Variants in THRB observed in about 807,000 individuals in gnomAD.
THRB encodes nuclear receptor subfamily 1 group A member 2.
Under a neutral mutation model 47.8 loss-of-function variants are expected in THRB, and 12 were observed. The observed-to-expected ratio is 0.25, with a 90% CI of 0.16 to 0.41. The LOEUF (loss-of-function observed/expected upper bound fraction) is 0.41, where lower values mean the gene tolerates loss of function less well. Ranked by LOEUF, THRB falls within the 10% of genes least tolerant of loss-of-function variation. THRB has a pLI of 1.00. For synonymous variants in THRB, 218 were observed against 212.2 expected (o/e 1.03, Z -0.24); for missense variants, 348 against 589.2 (o/e 0.59, Z 4.24).
chr3:24,135,813 A>G (rs1575322952), intron 8 of THRB, among the ~76,000 whole-genome samples: 1 of 101,346 alleles, frequency 9.9e-6, no homozygotes, highest in Non-Finnish European at 2.0e-5. Context: ...TCAAAAAGGC[A>G]GAGAGTCATA....
At chr3:24,162,168 A>G (rs1476423438) in intron 5 of THRB, among the ~76,000 whole-genome samples, 1 of 151,072 alleles carries the variant, frequency 6.6e-6, no homozygotes, top group Admixed American at 6.6e-5. Context: ...CACCCACAAA[A>G]GGATTTTTTT....
intron 1 of THRB, among the ~76,000 whole-genome samples, chr3:24,358,539 C>T (rs2063845005): frequency 6.6e-6 from 1 of 152,142 alleles, no homozygotes; most frequent in African/African-American, 2.4e-5. Context: ...ATCCTTTTCT[C>T]ATTATTCTGA....
At chr3:24,468,853 C>T (rs1186831310) in intron 1 of THRB, among the ~76,000 whole-genome samples, 2 of 152,164 alleles carry the variant, frequency 1.3e-5, no homozygotes, top group African/African-American at 2.4e-5. Flanking sequence ...ATCTGCTTGA[C>T]GCATAGTTGC....
rs1344473396 is a variant in THRB at position 24,336,808 on chromosome 3, G to A, written c.-189+492C>T. ...GTGATCTCTGCTCACTGCAAGCTCC[G>A]CCTCCTGGGTTCACACCATTCTCCT... On this transcript the variant is annotated intron_variant, in intron 2 of 10. Transcript: ENST00000646209. Among the ~76,000 whole-genome samples the A allele has an allele frequency of 5.4e-5, 8 of 148,792 alleles. No homozygotes were observed. In the Middle Eastern group the frequency reaches 0.01, roughly 192 times the overall value.
At chr3:24,273,552 A>G (rs572185468) in intron 3 of THRB, among the ~76,000 whole-genome samples, 2 of 152,364 alleles carry the variant, frequency 1.3e-5, no homozygotes, top group East Asian at 1.9e-4. Context: ...ATAATTCCTT[A>G]GCTTTAATCT....
chr3:24,251,783 G>C (rs1240274833), intron 3 of THRB, among the ~76,000 whole-genome samples: 4 of 151,860 alleles, frequency 2.6e-5, no homozygotes, highest in Admixed American at 2.6e-4. Context: ...TGAAAGCACA[G>C]GGAAAAAATA....
intron 1 of THRB, among the ~76,000 whole-genome samples, chr3:24,340,723 G>A (rs1461360190): frequency 2.6e-5 from 4 of 152,132 alleles, no homozygotes; most frequent in African/African-American, 9.7e-5. Context: ...CATTGTGATT[G>A]TATTTCCAAA....
At chr3:24,442,177 T>G (rs974162353) in intron 1 of THRB, among the ~76,000 whole-genome samples, 1 of 152,218 alleles carries the variant, frequency 6.6e-6, no homozygotes, top group Non-Finnish European at 1.5e-5. Context: ...CACAACTGTG[T>G]CTATACCTTG....
At chr3:24,227,047 C>G (rs189830664) in intron 4 of THRB, among the ~76,000 whole-genome samples, 311 of 152,288 alleles carry the variant, frequency 2.0e-3, no homozygotes, top group African/African-American at 7.1e-3. Flanking sequence ...CCACAGCAAG[C>G]GAAGACCATT....
chr3:24,226,105 G>A (rs17014408), intron 4 of THRB, among the ~76,000 whole-genome samples: 4,185 of 152,268 alleles, frequency 0.027, 187 homozygotes, highest in African/African-American at 0.095. Context: ...GACCTGTTCT[G>A]TTTGAGGAAA....
At chr3:24,365,986 A>T (rs565055975) in intron 1 of THRB, among the ~76,000 whole-genome samples, 38 of 152,194 alleles carry the variant, frequency 2.5e-4, no homozygotes, top group Non-Finnish European at 3.7e-4. Flanking sequence ...GCGTATTTTG[A>T]CTTCAACTAA....
intron 1 of THRB, among the ~76,000 whole-genome samples, chr3:24,399,239 A>C (rs1227603540): frequency 6.6e-6 from 1 of 152,070 alleles, no homozygotes; most frequent in African/African-American, 2.4e-5. Flanking sequence ...AAAAAAAAAA[A>C]AAGAAAATGA....
At chr3:24,423,252 T>C (rs749506572) in intron 1 of THRB, among the ~76,000 whole-genome samples, 7 of 151,792 alleles carry the variant, frequency 4.6e-5, no homozygotes, top group Non-Finnish European at 7.4e-5. Flanking sequence ...TAATAAATCA[T>C]CATTATCTGA....
At chr3:24,347,281 C>G (rs2063079555) in intron 1 of THRB, among the ~76,000 whole-genome samples, 1 of 151,694 alleles carries the variant, frequency 6.6e-6, no homozygotes, top group African/African-American at 2.4e-5. Context: ...ATGCATGTAT[C>G]AGAAAAAATG....
chr3:24,181,718 C>T (rs2041920236), intron 5 of THRB, among the ~76,000 whole-genome samples: 1 of 152,162 alleles, frequency 6.6e-6, no homozygotes, highest in Non-Finnish European at 1.5e-5. Context: ...AGTCCTGCTC[C>T]TTATTATTAT....
At chr3:24,209,198 A>C (rs75248087) in intron 4 of THRB, among the ~76,000 whole-genome samples, 59,478 of 152,070 alleles carry the variant, frequency 0.39, 11,950 homozygotes, top group Non-Finnish European at 0.44. Context: ...GATGCTAGAG[A>C]GGATGTGGAG....
chr3:24,437,102 A>G (rs547845502), intron 1 of THRB, among the ~76,000 whole-genome samples: 30 of 147,964 alleles, frequency 2.0e-4, no homozygotes, highest in East Asian at 2.0e-3. Flanking sequence ...GTGTGTGTGT[A>G]TATATATATA....
intron 1 of THRB, among the ~76,000 whole-genome samples, chr3:24,468,210 T>C (rs1421292756): frequency 6.6e-6 from 1 of 152,232 alleles, no homozygotes; most frequent in Admixed American, 6.5e-5. Context: ...AGGGCTTTGC[T>C]GTAGATTAGG....
intron 4 of THRB, among the ~76,000 whole-genome samples, chr3:24,196,598 CA>C (rs952287878): frequency 6.6e-6 from 1 of 151,598 alleles, no homozygotes; most frequent in African/African-American, 2.4e-5. Flanking sequence ...CCCCCCACCC[CA>C]AAAAAAAGAA....
Sources: gnomAD v4.1 joint callset for allele counts (sites outside exome capture counted in the v4.1 genomes callset) on GRCh38, gnomAD v4.1.1 for gene constraint, MANE v1.5 for transcripts, NCBI Gene and HGNC (gene_info 2026-07-23, HGNC 2026-07-21) for gene names.